HECTD4: variants seen among roughly 807,000 people sequenced by gnomAD.
HECTD4 encodes the protein probable E3 ubiquitin-protein ligase HECTD4.
Under a neutral mutation model 471.5 loss-of-function variants are expected in HECTD4, and 114 were observed. The ratio of observed to expected loss-of-function variants is 0.24; its 90% CI spans 0.21 to 0.28. HECTD4 has a LOEUF of 0.28. HECTD4 is among the 10% of genes least tolerant of loss of function. The pLI is 1.00. For synonymous variants in HECTD4, 2,012 were observed against 2,256.0 expected, an observed-to-expected ratio of 0.89 and a Z score of 3.07; for missense variants, 3,866 against 5,651.5, an observed-to-expected ratio of 0.68 and a Z score of 10.13.
intron 23 of HECTD4, among the ~76,000 whole-genome samples, chr12:112,251,718 T>G (rs1160845498): frequency 6.6e-6 from 1 of 152,226 alleles, no homozygotes; most frequent in Non-Finnish European, 1.5e-5. Context: ...GTTTTCGGAA[T>G]CAGGCAACTG....
chr12:112,207,970 A>G lies in HECTD4; in HGVS notation c.8035T>C (p.Trp2679Arg). The G allele has an allele frequency of 6.2e-7, 1 of 1,613,724 alleles. No individual in the cohort carries two copies. Among genetic ancestry groups the G allele is most frequent in the Non-Finnish European group, 8.5e-7 (1 of 1,179,792 alleles). ...EDHYALLVKAWETKVFPTIRR... is the reference protein window; with the variant it reads ...EDHYALLVKARETKVFPTIRR... ...ATGGTAGGAAAAACCTTGGTCTCCC[A>G]TGCTTTCACCAGCAGGGCGTAGTGG... Residue 2679 changes from tryptophan to arginine, a missense_variant, in exon 52 of 76, where the codon TGG (tryptophan) becomes CGG (arginine). Trp to Arg is a moderately radical substitution (Grantham distance 101, BLOSUM62 -3). This residue lies in a region of HECTD4 where 266 missense variants were observed against 441.6 expected (regional missense o/e 0.60). Transcript: ENST00000682272.
chr12:112,201,061 T>G, intron 54 of HECTD4: 1 of 529,334 alleles, frequency 1.9e-6, no homozygotes, highest in Non-Finnish European at 3.6e-6. Context: ...TCTAAGAAAA[T>G]AACAAAATAA....
At position 112,319,212 on chromosome 12, in the gene HECTD4, C is replaced by T. The variant is rs779995325; in HGVS notation, c.695+13G>A. On this transcript the variant is annotated intron_variant, in intron 2 of 75. Transcript: ENST00000682272. This position sits in a 1 kb window ranked among gnomAD's most constrained non-coding sequence, Gnocchi z 5.3. ...TCACAAGGTCACCAAATGATACATT[C>T]GATTTTCCTTACCTGGCACAAGCCA... 2.0e-6 allele frequency: 3 copies of T among 1,535,636 alleles called. No homozygotes were observed. The South Asian group carries it at 3.6e-5, about 18-fold the overall frequency.
chr12:112,324,041 C>CTTTCTTT (rs1566112078), intron 1 of HECTD4, among the ~76,000 whole-genome samples: 6 of 17,590 alleles, frequency 3.4e-4, no homozygotes, highest in Admixed American at 6.5e-4. Context: ...TTCCTTCCTT[C>CTTTCTTT]CTTCCTTTCT....
chr12:112,219,595 T>C, intron 44 of HECTD4, 106 bp from the exon 45 acceptor site: 1 of 678,508 alleles, frequency 1.5e-6, no homozygotes, highest in Non-Finnish European at 2.4e-6. Flanking sequence ...CTTATAGAGC[T>C]CATTGAATTT....
intron 65 of HECTD4, 86 bp from the exon 66 acceptor site, chr12:112,175,945 C>CT (rs2031427759): frequency 1.3e-6 from 2 of 1,523,160 alleles, no homozygotes; most frequent in Non-Finnish European, 1.8e-6. Flanking sequence ...ACCACAGCCT[C>CT]TCCCCTACGG....
intron 1 of HECTD4, chr12:112,322,944 C>G (rs2035615924): frequency 6.2e-6 from 1 of 161,106 alleles, no homozygotes; most frequent in Admixed American, 6.5e-5. Context: ...TTTGAACAAG[C>G]TTTGAAAACA....
At chr12:112,183,916 G>A (rs994969177) in intron 61 of HECTD4, among the ~76,000 whole-genome samples, 14 of 152,188 alleles carry the variant, frequency 9.2e-5, no homozygotes, top group Non-Finnish European at 8.8e-5. Flanking sequence ...GATGCGATGG[G>A]GCTGAGTCAG....
At chr12:112,330,878 T>C (rs931192620) in intron 1 of HECTD4, among the ~76,000 whole-genome samples, 7 of 152,150 alleles carry the variant, frequency 4.6e-5, no homozygotes, top group African/African-American at 1.7e-4. Context: ...TTTAATTAGA[T>C]GAAGAAAATA....
At chr12:112,187,622 C>CTTT (rs150976845) in intron 60 of HECTD4, among the ~76,000 whole-genome samples, 19 of 85,988 alleles carry the variant, frequency 2.2e-4, no homozygotes, top group African/African-American at 3.7e-4. Flanking sequence ...GTTTCCTTTC[C>CTTT]TTTTTTTTTT....
rs1159697632 is a variant in HECTD4, at chr12:112,241,991, C to T, written c.4958+1362G>A. Reference sequence around the variant, plus strand: ...GAAGCACAGCAGCCTCCAGCAGCTCCAGTCCAGGGCTTGCAGAGAAATGCA... The same window carrying T: ...GAAGCACAGCAGCCTCCAGCAGCTCTAGTCCAGGGCTTGCAGAGAAATGCA... On this transcript the variant is annotated intron_variant, in intron 32 of 75. Transcript: ENST00000682272. Among the ~76,000 whole-genome samples, 5 of 152,196 alleles carry T rather than the reference C, an allele frequency of 3.3e-5. No homozygotes were observed. The South Asian group carries it at 1.0e-3, about 31-fold the overall frequency.
At chr12:112,315,501 G>A (rs1049535856) in intron 2 of HECTD4, among the ~76,000 whole-genome samples, 1 of 152,082 alleles carries the variant, frequency 6.6e-6, no homozygotes, top group African/African-American at 2.4e-5. Context: ...AGTTGGAATC[G>A]GGACACATGG....
At chr12:112,352,389 G>A (rs965117664) in intron 1 of HECTD4, among the ~76,000 whole-genome samples, 1 of 149,280 alleles carries the variant, frequency 6.7e-6, no homozygotes, top group Admixed American at 6.7e-5. Flanking sequence ...AGGCTGGAGT[G>A]CTGCAGCACA....
At chr12:112,242,179 A>G (rs1354691668) in intron 32 of HECTD4, among the ~76,000 whole-genome samples, 1 of 152,242 alleles carries the variant, frequency 6.6e-6, no homozygotes, top group East Asian at 1.9e-4. Context: ...ATATAGGCAG[A>G]AGGAGGTTGT....
At chr12:112,183,882 CA>C (rs1240345856) in intron 61 of HECTD4, among the ~76,000 whole-genome samples, 1 of 152,176 alleles carries the variant, frequency 6.6e-6, no homozygotes, top group Non-Finnish European at 1.5e-5. Flanking sequence ...CCAAAAAGAA[CA>C]AAAAGAACCC....
chr12:112,164,368 G>A, intron 72 of HECTD4, 93 bp from the exon 73 acceptor site: 1 of 1,370,376 alleles, frequency 7.3e-7, no homozygotes. Flanking sequence ...AGCGCAGCTG[G>A]TGGGGTCTAC....
At chr12:112,200,196 C>G (rs1165215504) in intron 55 of HECTD4, among the ~76,000 whole-genome samples, 1 of 151,620 alleles carries the variant, frequency 6.6e-6, no homozygotes, top group African/African-American at 2.4e-5. Flanking sequence ...CTTTGTCACC[C>G]GGGTTGGAGT....
At chr12:112,165,955 A>T (rs992067496) in intron 72 of HECTD4, among the ~76,000 whole-genome samples, 1 of 151,966 alleles carries the variant, frequency 6.6e-6, no homozygotes, top group Non-Finnish European at 1.5e-5. Flanking sequence ...CTACCCCTTC[A>T]CCGCAGACAC....
At chr12:112,315,375 G>A (rs924617868) in intron 2 of HECTD4, among the ~76,000 whole-genome samples, 2 of 152,196 alleles carry the variant, frequency 1.3e-5, no homozygotes, top group African/African-American at 2.4e-5. Flanking sequence ...GCAGAACCAA[G>A]TAGGCCTAGA....
Sources: allele counts gnomAD v4.1 joint callset (sites outside exome capture counted in the v4.1 genomes callset), GRCh38; gene constraint gnomAD v4.1.1; regional missense constraint gnomAD v4.1.1; non-coding constraint Gnocchi (gnomAD v3.1); transcripts MANE v1.5; gene names NCBI Gene and HGNC (gene_info 2026-07-23, HGNC 2026-07-21).